Variants in CTPS1 observed in about 807,000 individuals in gnomAD.
CTPS1 encodes the protein CTP synthase 1, also known as CTP synthetase 1.
A neutral mutation model predicts 80.5 loss-of-function variants in CTPS1; 25 were observed. That is an observed-to-expected ratio of 0.31 (90% CI 0.23 to 0.43). CTPS1 has a LOEUF of 0.43. CTPS1 is among the 20% of genes least tolerant of loss of function. CTPS1 has a pLI of 1.00. For missense variants in CTPS1, 442 were observed against 725.7 expected (o/e 0.61, Z 4.49); for synonymous variants, 267 against 252.5 (o/e 1.06, Z -0.54).
At chr1:40,997,584 C>T (rs766048727) in intron 9 of CTPS1, 58 bp downstream of exon 9, 18 of 1,572,936 alleles carry the variant, frequency 1.1e-5, no homozygotes, top group Admixed American at 7.5e-5. Flanking sequence ...TCTGTAGTCT[C>T]GTAGGTGCTG....
intron 1 of CTPS1, among the ~76,000 whole-genome samples, chr1:40,981,484 G>T (rs1004637730): frequency 6.6e-6 from 1 of 152,144 alleles, no homozygotes; most frequent in South Asian, 2.1e-4. Context: ...GGAGACCAGG[G>T]TATAGTCTCA....
At chr1:40,990,557 G>C (rs1268412383) in intron 5 of CTPS1, among the ~76,000 whole-genome samples, 2 of 152,082 alleles carry the variant, frequency 1.3e-5, no homozygotes, top group African/African-American at 4.8e-5. Context: ...GGCAGAGGTG[G>C]GAGGACTGCT....
Position 40,982,806 on chromosome 1 carries a change from T to G in CTPS1, c.-13-472T>G, listed in dbSNP as rs763993343. Among the ~76,000 whole-genome samples, 3 of 152,242 alleles carry G rather than the reference T, an allele frequency of 2.0e-5. No homozygotes were observed. In the South Asian group the frequency reaches 6.2e-4, roughly 32 times the overall value. On this transcript the variant is annotated intron_variant, in intron 1 of 18. Transcript: ENST00000650070. ...TAGAGGAGCTGTGTTTTCTTGATGA[T>G]ATGTTGTAGTTTAGCCAAAGACATT...
At chr1:40,984,750 T>TATTGCACACCTTATTAA in intron 2 of CTPS1, 71 bp from the exon 3 acceptor site, 2 of 1,207,774 alleles carry the variant, frequency 1.7e-6, no homozygotes. Context: ...AGTGTTTTAT[T>TATTGCACACCTTATTAA]TCAGGATTGC....
chr1:40,988,350 T>C (rs745405903), intron 4 of CTPS1: 11 of 341,450 alleles, frequency 3.2e-5, no homozygotes, highest in Non-Finnish European at 5.3e-5. Context: ...CTGACCTTTT[T>C]CTTGAAATGA....
At chr1:40,995,438 G>A (rs1310371460) in intron 7 of CTPS1, among the ~76,000 whole-genome samples, 1 of 149,460 alleles carries the variant, frequency 6.7e-6, no homozygotes, top group Admixed American at 6.7e-5. Context: ...CTGTCACCCA[G>A]ACTGGAGTGC....
intron 18 of CTPS1, among the ~76,000 whole-genome samples, 157 bp downstream of exon 18, chr1:41,010,411 A>C (rs184825921): frequency 1.3e-5 from 2 of 152,336 alleles, no homozygotes; most frequent in East Asian, 3.9e-4. Context: ...GAGAAAAGAA[A>C]GTAGTGAGGT....
intron 16 of CTPS1, 40 bp downstream of exon 16, chr1:41,008,930 A>ACT: frequency 1.3e-6 from 2 of 1,492,140 alleles, no homozygotes; most frequent in Non-Finnish European, 1.9e-6. Flanking sequence ...AAAACTTAGT[A>ACT]AAGTTTTCTT....
chr1:40,982,071 C>T, intron 1 of CTPS1: 1 of 1,129,882 alleles, frequency 8.9e-7, no homozygotes, highest in Non-Finnish European at 1.2e-6. Flanking sequence ...ATGGACGATC[C>T]TGGACCTCTG....
At chr1:40,985,050 T>G in intron 3 of CTPS1, 59 bp downstream of exon 3, 1 of 1,265,916 alleles carries the variant, frequency 7.9e-7, no homozygotes, top group Non-Finnish European at 1.1e-6. Context: ...TTCTTCTCCC[T>G]CCCACCTCTA....
At chr1:40,991,505 T>C (rs902453451) in intron 6 of CTPS1, among the ~76,000 whole-genome samples, 1 of 152,204 alleles carries the variant, frequency 6.6e-6, no homozygotes, top group Non-Finnish European at 1.5e-5. Context: ...GGAACACTAA[T>C]GGAGGAAAAT....
At chr1:40,995,847 G>A (rs1028353680) in intron 7 of CTPS1, 70 bp from the exon 8 acceptor site, 10 of 1,470,832 alleles carry the variant, frequency 6.8e-6, no homozygotes, top group South Asian at 5.0e-5. Context: ...ACAAGGTCAC[G>A]TAGCTAGTAG....
At chr1:40,999,998 TAAAAA>T (rs1400062839) in intron 9 of CTPS1, among the ~76,000 whole-genome samples, 1 of 151,994 alleles carries the variant, frequency 6.6e-6, no homozygotes, top group Non-Finnish European at 1.5e-5. Flanking sequence ...AAAAAAAAGT[TAAAAA>T]AGAAAAGGAA....
At chr1:40,996,250 TGAG>T (rs2148404483) in intron 8 of CTPS1, 182 bp downstream of exon 8, 3 of 671,338 alleles carry the variant, frequency 4.5e-6, no homozygotes, top group East Asian at 2.9e-5. Flanking sequence ...GTGGCACAGA[TGAG>T]GAGATCCTGA....
At chr1:40,983,207 A>G (rs1642363048) in intron 1 of CTPS1, 71 bp from the exon 2 acceptor site, 1 of 1,298,996 alleles carries the variant, frequency 7.7e-7, no homozygotes, top group Admixed American at 2.2e-5. Context: ...TGGCAGAGCC[A>G]GTGTTTGAAC....
chr1:40,997,137 TG>T (rs1642773645), intron 8 of CTPS1: 2 of 385,758 alleles, frequency 5.2e-6, no homozygotes, highest in Non-Finnish European at 4.6e-6. Flanking sequence ...TGTTGTTTTT[TG>T]TGGGGGTTTT....
chr1:40,997,420 C>G lies in CTPS1; in HGVS notation c.899C>G (p.Ser300Cys), dbSNP rs201674363. 1.5e-5 allele frequency: 25 copies of G among 1,614,036 alleles called. 1 individual carries two copies. The East Asian group carries it at 5.1e-4, about 33-fold the overall frequency. Residue 300 changes from serine to cysteine, a missense_variant, in exon 9 of 19, where the codon TCT (serine) becomes TGT (cysteine). This residue lies in a region of CTPS1 where 321 missense variants were observed against 467.2 expected (regional missense o/e 0.69). Coordinates refer to ENST00000650070, the MANE Select transcript of CTPS1 (RefSeq NM_001905.4). ...DRYDRLLETCSIALVGKYTKF... is the reference protein window; with the variant it reads ...DRYDRLLETCCIALVGKYTKF... ...TATGATCGCTTGCTGGAGACCTGCT[C>G]TATTGCCCTTGTGGGCAAATACACG...
At chr1:41,005,585 T>G (rs1643013794) in intron 12 of CTPS1, among the ~76,000 whole-genome samples, 1 of 152,112 alleles carries the variant, frequency 6.6e-6, no homozygotes, top group Admixed American at 6.5e-5. Context: ...AATTCACGTG[T>G]GTGTGGGTTG....
Position 40,996,066 on chromosome 1 carries a change from C to G in CTPS1, c.870C>G (p.Asp290Glu). ...TGATGAAATGGAAAGAGATGGCTGACAGGTTTGCCTGCAATGAGGAGCTGG... is the reference window on the plus strand; with the variant it reads ...TGATGAAATGGAAAGAGATGGCTGAGAGGTTTGCCTGCAATGAGGAGCTGG... ...KMLMKWKEMADRYDRLLETCS... is the reference protein window; with the variant it reads ...KMLMKWKEMAERYDRLLETCS... Residue 290 changes from aspartate (D) to glutamate (E), a missense_variant and splice_region_variant, in exon 8 of 19, where the codon GAC (aspartate) becomes GAG (glutamate). Coordinates refer to ENST00000650070, the MANE Select transcript of CTPS1 (RefSeq NM_001905.4). 1 of 1,614,130 alleles carries G rather than the reference C, an allele frequency of 6.2e-7. No individual in the cohort carries two copies. The highest frequency in any genetic ancestry group is 1.1e-5 in the South Asian group (1 of 91,078).
Sources: gnomAD v4.1 joint callset for allele counts (sites outside exome capture counted in the v4.1 genomes callset) on GRCh38, gnomAD v4.1.1 for gene constraint, gnomAD v4.1.1 regional missense constraint, MANE v1.5 for transcripts, NCBI Gene and HGNC (gene_info 2026-07-23, HGNC 2026-07-21) for gene names.